GIPC1: variants seen among roughly 807,000 people sequenced by gnomAD.
GIPC1 encodes the protein PDZ domain-containing protein GIPC1.
In GIPC1, 15 loss-of-function variants were observed where a neutral mutation model predicts 28.5. The observed-to-expected ratio is 0.53, with a 90% CI of 0.35 to 0.81. The LOEUF (loss-of-function observed/expected upper bound fraction) is 0.81, where lower values mean the gene tolerates loss of function less well. Among genes scored for constraint, GIPC1 ranks in the 30% least tolerant of loss-of-function variants. The probability of loss-of-function intolerance (pLI) is 0.01; values close to 1 mark genes in which losing one functional copy is unlikely to be tolerated. For missense variants in GIPC1, 439 were observed against 481.9 expected, an observed-to-expected ratio of 0.91 and a Z score of 0.83; for synonymous variants, 224 against 206.1, an observed-to-expected ratio of 1.09 and a Z score of -0.74.
At chr19:14,488,729 C>T (rs372841974) in intron 3 of GIPC1, among the ~76,000 whole-genome samples, 90 of 150,268 alleles carry the variant, frequency 6.0e-4, no homozygotes, top group African/African-American at 1.6e-3. Context: ...GCTGAGATCA[C>T]GCCATTGCAC....
intron 1 of GIPC1, among the ~76,000 whole-genome samples, chr19:14,494,052 C>T (rs1031145084): frequency 2.0e-5 from 3 of 151,718 alleles, no homozygotes; most frequent in South Asian, 2.1e-4. Flanking sequence ...CTCCGCCTCC[C>T]GGGTTCAAGC....
chr19:14,490,986 AAAAG>A (rs1253396052), intron 3 of GIPC1, among the ~76,000 whole-genome samples: 1 of 150,066 alleles, frequency 6.7e-6, no homozygotes, highest in African/African-American at 2.4e-5. Context: ...AAAAAAAAAA[AAAAG>A]AAAGAAAGAA....
At chr19:14,485,381 C>T (rs950466225) in intron 3 of GIPC1, among the ~76,000 whole-genome samples, 1 of 150,840 alleles carries the variant, frequency 6.6e-6, no homozygotes, top group East Asian at 2.0e-4. Context: ...AGGCCTGGTG[C>T]GATGGCTCAC....
Position 14,480,665 on chromosome 19 carries a change from C to T in GIPC1, c.402G>A (p.Val134=), listed in dbSNP as rs778759028. Residue 134 remains valine, a synonymous_variant, in exon 5 of 9, where the codon GTG becomes GTA. Transcript: ENST00000393033. ...FAHVKGQRKE[V]EVFKSEDALG... ...GTGCATCCTCCGACTTGAACACCTCCACCTCCTTGCGCTGCCCCTTCACGT... is the reference window on the plus strand; with the variant it reads ...GTGCATCCTCCGACTTGAACACCTCTACCTCCTTGCGCTGCCCCTTCACGT... The T allele has an allele frequency of 6.2e-7, 1 of 1,614,118 alleles. No individual in the cohort carries two copies. The highest frequency in any genetic ancestry group is 8.5e-7 in the Non-Finnish European group (1 of 1,180,048).
At chr19:14,484,775 T>G (rs1221362322) in intron 3 of GIPC1, among the ~76,000 whole-genome samples, 1 of 151,828 alleles carries the variant, frequency 6.6e-6, no homozygotes, top group African/African-American at 2.4e-5. Flanking sequence ...CAAAAAACAC[T>G]TTTTGCAGAG....
chr19:14,482,230 G>GCA (rs2071744160), intron 4 of GIPC1: 1 of 195,262 alleles, frequency 5.1e-6, no homozygotes, highest in African/African-American at 2.4e-5. Flanking sequence ...CGACTGGGAT[G>GCA]CAGGCCTCTC....
chr19:14,480,320 G>T lies in GIPC1; in HGVS notation c.640C>A (p.Pro214Thr), dbSNP rs1311846207. Reference sequence around the variant, plus strand: ...GGCTCCTCACCGAAGGCCTTGCGAGGCTCCGTGAGCTTCAGCGTGAAGGTA... The same window carrying T: ...GGCTCCTCACCGAAGGCCTTGCGAGTCTCCGTGAGCTTCAGCGTGAAGGTA... ...GRTFTLKLTE[P>T]RKAFDMISQR... Residue 214 changes from proline to threonine, a missense_variant, in exon 6 of 9, where the codon CCT becomes ACT. Physicochemically the swap from Pro to Thr is conservative, Grantham distance 38. Transcript: ENST00000393033. 2.5e-6 allele frequency: 4 copies of T among 1,611,002 alleles called. No homozygotes were observed. The highest frequency in any genetic ancestry group is 3.4e-6 in the Non-Finnish European group (4 of 1,179,730).
At chr19:14,489,664 C>A (rs371912693) in intron 3 of GIPC1, 2 of 841,010 alleles carry the variant, frequency 2.4e-6, no homozygotes, top group South Asian at 2.7e-5. Flanking sequence ...CTCCATAGGG[C>A]CTGTTTTACT....
chr19:14,481,779 C>T (rs973209991), intron 4 of GIPC1: 1 of 150,742 alleles, frequency 6.6e-6, no homozygotes, highest in African/African-American at 2.4e-5. Context: ...CGGAGCCTGG[C>T]ACACAGTGAG....
chr19:14,480,925 A>G (rs2420536), intron 4 of GIPC1, 147 bp from the exon 5 acceptor site: 387,612 of 620,084 alleles, frequency 0.63, 124,045 homozygotes, highest in East Asian at 0.96. Flanking sequence ...CCAGGGCCAC[A>G]GCAGGGCCCA....
intron 4 of GIPC1, 198 bp from the exon 5 acceptor site, chr19:14,480,976 C>T (rs1247233611): frequency 2.6e-5 from 15 of 566,276 alleles, no homozygotes; most frequent in Non-Finnish European, 4.1e-5. Context: ...ATTTAGTTTT[C>T]CTTTCTCTTT....
intron 3 of GIPC1, among the ~76,000 whole-genome samples, chr19:14,486,185 C>T (rs1355389679): frequency 1.3e-5 from 2 of 151,992 alleles, no homozygotes; most frequent in Non-Finnish European, 2.9e-5. Context: ...GGCCTGTGAC[C>T]TTCCTTAACC....
chr19:14,480,996 G>T (rs1308623607), intron 4 of GIPC1: 3 of 528,100 alleles, frequency 5.7e-6, no homozygotes, highest in Admixed American at 7.1e-5. Context: ...TTTGAGACAG[G>T]GTCTTGCTCT....
intron 3 of GIPC1, among the ~76,000 whole-genome samples, chr19:14,488,418 T>C (rs900444263): frequency 6.6e-6 from 1 of 151,268 alleles, no homozygotes; most frequent in Non-Finnish European, 1.5e-5. Context: ...ACCACTGCAC[T>C]CCAGCCTGGG....
At position 14,478,123 on chromosome 19, in the gene GIPC1, G is replaced by GATC; in HGVS notation, c.*292_*293insGAT. ...GCAGCTGATGGTGGAAAGTGGTGGA[G>GATC]GCGGGGGTGGCCGCCCAATTTGGCT... On this transcript the variant is annotated 3_prime_UTR_variant, in exon 9 of 9. Coordinates refer to ENST00000393033, the MANE Select transcript of GIPC1 (RefSeq NM_005716.4). The surrounding 1 kb of genome is among the most constrained non-coding windows in gnomAD (Gnocchi z 5.2). 1 of 382,950 alleles carries GATC rather than the reference G, an allele frequency of 2.6e-6. No individual in the cohort carries two copies. The highest frequency in any genetic ancestry group is 4.8e-6 in the Non-Finnish European group (1 of 209,306). The allele number at this position is 382,950 out of a possible 1,614,324, so 23.7% of individuals were successfully genotyped here. A position where few individuals can be genotyped will look rare whatever the true frequency, so the allele number is the denominator to read the frequency against.
rs188138420 is a variant in GIPC1, at chr19:14,495,609, G to A, written c.-175+428C>T. 4.6e-5 allele frequency among the ~76,000 whole-genome samples: 7 copies of A among 152,212 alleles called. No homozygotes were observed. In the East Asian group the frequency reaches 1.4e-3, roughly 29 times the overall value. On this transcript the variant is annotated intron_variant, in intron 1 of 8. Coordinates refer to ENST00000393033, the MANE Select transcript of GIPC1 (RefSeq NM_005716.4). ...CTCTCCAATAAATGCTAGCTGAGGTGGAGTTTTTCATGACGATTATTATTC... is the reference window on the plus strand; with the variant it reads ...CTCTCCAATAAATGCTAGCTGAGGTAGAGTTTTTCATGACGATTATTATTC...
At position 14,491,739 on chromosome 19, in the gene GIPC1, T is replaced by G. The variant is rs1469556433; in HGVS notation, c.-114A>C. On this transcript the variant is annotated 5_prime_UTR_variant, in exon 3 of 9. Coordinates refer to ENST00000393033, the MANE Select transcript of GIPC1 (RefSeq NM_005716.4). ...CTTCTTGTCCAGACAGCAGCCAGAA[T>G]GGTCCTGTAAAACATAAGTCATGTC... 1 of 152,344 alleles carries G rather than the reference T, an allele frequency of 6.6e-6. No homozygotes were observed. Among genetic ancestry groups the G allele is most frequent in the Non-Finnish European group, 1.5e-5 (1 of 68,094 alleles). 9.4% of individuals were successfully genotyped at this position (152,344 alleles called of 1,614,324 possible).
rs1777864602 is a variant in GIPC1 at position 14,492,839 on chromosome 19, C to T, written c.-119+18G>A. ...GAGGCTTCGTGGCCTGGGTTCAAAT[C>T]CCACCCCTGCCACTTACCAGCTGTG... is the stretch of plus-strand genomic sequence containing the variant. On this transcript the variant is annotated intron_variant, in intron 2 of 8. Transcript: ENST00000393033. 6.6e-6 allele frequency: 1 copy of T among 152,362 alleles called. No homozygotes were observed. The highest frequency in any genetic ancestry group is 2.4e-5 in the African/African-American group (1 of 41,450). The allele number at this position is 152,362 out of a possible 1,614,324, so 9.4% of individuals were successfully genotyped here.
chr19:14,488,786 AAAAG>A (rs1378452697), intron 3 of GIPC1, among the ~76,000 whole-genome samples: 8 of 151,452 alleles, frequency 5.3e-5, no homozygotes, highest in African/African-American at 1.5e-4. Context: ...AAAAAAAAAA[AAAAG>A]AAAGAAAAGC....
Sources: gnomAD v4.1 joint callset for allele counts (sites outside exome capture counted in the v4.1 genomes callset) on GRCh38, gnomAD v4.1.1 for gene constraint, Gnocchi (gnomAD v3.1) non-coding constraint, MANE v1.5 for transcripts, NCBI Gene and HGNC (gene_info 2026-07-23, HGNC 2026-07-21) for gene names.